The following PCDH17 variants were observed in gnomAD, a reference collection of about 807,000 sequenced individuals.
PCDH17 encodes protocadherin 17.
Under a neutral mutation model 67.7 loss-of-function variants are expected in PCDH17, and 21 were observed. The ratio of observed to expected loss-of-function variants is 0.31; its 90% CI spans 0.22 to 0.45. PCDH17 has a LOEUF of 0.45. PCDH17 is among the 20% of genes least tolerant of loss of function. The probability of loss-of-function intolerance (pLI) is 1.00; values close to 1 mark genes in which losing one functional copy is unlikely to be tolerated. For synonymous variants in PCDH17, 701 were observed against 656.7 expected (o/e 1.07, Z -1.03); for missense variants, 1,471 against 1,564.8 (o/e 0.94, Z 1.01).
rs116927507 is a variant in PCDH17 at position 57,704,397 on chromosome 13, G to A, written c.2798-20215G>A. Among the ~76,000 whole-genome samples, 1,008 of 151,918 alleles carry A rather than the reference G, an allele frequency of 6.6e-3. 9 individuals are homozygous for A. Among genetic ancestry groups the A allele is most frequent in the Non-Finnish European group, 0.011 (767 of 67,918 alleles). On this transcript the variant is annotated intron_variant, in intron 3 of 3. Transcript: ENST00000377918. ...GTAGAAAAGCAAAAGTCTATCAAGC[G>A]TTTTTCCCTTTGATTATAATTCTGA...
intron 3 of PCDH17, among the ~76,000 whole-genome samples, chr13:57,697,705 A>T (rs1955624278): frequency 6.6e-6 from 1 of 151,728 alleles, no homozygotes; most frequent in African/African-American, 2.4e-5. Flanking sequence ...ACTATAGATT[A>T]CAAATAATGA....
chr13:57,724,330 T>C (rs1328666831), intron 3 of PCDH17, among the ~76,000 whole-genome samples: 1 of 152,134 alleles, frequency 6.6e-6, no homozygotes, highest in East Asian at 1.9e-4. Flanking sequence ...TAGTTTATGG[T>C]GATGCTCTAT....
chr13:57,694,949 A>G (rs544432451), intron 3 of PCDH17, among the ~76,000 whole-genome samples: 9 of 151,300 alleles, frequency 5.9e-5, no homozygotes. Context: ...GATGAGGAAT[A>G]GAAAGATATT....
chr13:57,677,501 A>T (rs931791474), intron 3 of PCDH17, among the ~76,000 whole-genome samples: 11 of 151,850 alleles, frequency 7.2e-5, no homozygotes, highest in Admixed American at 3.3e-4. Context: ...GAAGATATAT[A>T]TACAGTGTTT....
intron 1 of PCDH17, among the ~76,000 whole-genome samples, chr13:57,655,056 G>T (rs1722074401): frequency 6.6e-6 from 1 of 151,876 alleles, no homozygotes; most frequent in African/African-American, 2.4e-5. Flanking sequence ...CTACTGGACT[G>T]ACTTGTTGTT....
intron 1 of PCDH17, among the ~76,000 whole-genome samples, chr13:57,646,973 A>G (rs1954973492): frequency 2.0e-5 from 3 of 151,864 alleles, no homozygotes; most frequent in South Asian, 2.1e-4. Flanking sequence ...TGTGCCAGGA[A>G]CAAGTTTTCT....
At chr13:57,712,005 A>T (rs1955781435) in intron 3 of PCDH17, among the ~76,000 whole-genome samples, 2 of 151,592 alleles carry the variant, frequency 1.3e-5, no homozygotes, top group African/African-American at 4.8e-5. Flanking sequence ...ATAAGAAAAA[A>T]GCCTAGATAG....
intron 1 of PCDH17, among the ~76,000 whole-genome samples, chr13:57,644,961 C>T (rs965827829): frequency 3.3e-5 from 5 of 151,548 alleles, no homozygotes; most frequent in Non-Finnish European, 7.4e-5. Flanking sequence ...ATATCTAATC[C>T]AGTAGTAGCC....
rs1433369673 is a variant in PCDH17 at position 57,679,097 on chromosome 13, C to A, written c.2797+12264C>A. ...ATAAGTAACCTATGTCAGTTCAAGT[C>A]AGTTTTATTCACCAAAAAAGTAACA... On this transcript the variant is annotated intron_variant, in intron 3 of 3. Coordinates refer to ENST00000377918, the MANE Select transcript of PCDH17 (RefSeq NM_001040429.3). Among the ~76,000 whole-genome samples the A allele has an allele frequency of 2.0e-5, 3 of 151,422 alleles. No homozygotes were observed. The East Asian group carries it at 5.9e-4, about 30-fold the overall frequency.
At chr13:57,664,618 TAG>T (rs1475755807) in intron 1 of PCDH17, among the ~76,000 whole-genome samples, 1 of 152,182 alleles carries the variant, frequency 6.6e-6, no homozygotes, top group Non-Finnish European at 1.5e-5. Flanking sequence ...ATTTTTTAAC[TAG>T]AGTTTCTGAT....
chr13:57,697,532 A>T (rs536571844), intron 3 of PCDH17, among the ~76,000 whole-genome samples: 4 of 151,654 alleles, frequency 2.6e-5, no homozygotes, highest in Non-Finnish European at 3.0e-5. Context: ...CTGTGTTACC[A>T]TTGTTATCTG....
In PCDH17 at chr13:57,632,419, G is replaced by C. The variant is rs1362641913; in HGVS notation, c.-128G>C. ...GGGTGCCGCAGCTCGGGTGCAGAGG[G>C]AAAAAAGGACCCATAGACTTGTGGC... On this transcript the variant is annotated 5_prime_UTR_variant, in exon 1 of 4. Coordinates refer to ENST00000377918, the MANE Select transcript of PCDH17 (RefSeq NM_001040429.3). 1.1e-6 allele frequency: 1 copy of C among 933,088 alleles called. No individual in the cohort carries two copies. Among genetic ancestry groups the C allele is most frequent in the Non-Finnish European group, 1.6e-6 (1 of 622,302 alleles). The allele number at this position is 933,088 out of a possible 1,614,324, so 57.8% of individuals were successfully genotyped here.
Position 57,666,487 on chromosome 13 carries a change from A to T in PCDH17, c.2585A>T (p.Glu862Val). 1 of 1,613,828 alleles carries T rather than the reference A, an allele frequency of 6.2e-7. No individual in the cohort carries two copies. Among genetic ancestry groups the T allele is most frequent in the East Asian group, 2.2e-5 (1 of 44,872 alleles). The part of the protein sequence containing the change: ...SIIQTDNFPA[E>V]PNYMGSRQQF... ...TCACAGACAGACAATTTTCCCGCAG[A>T]GCCCAATTACATGGGCAGCAGGCAG... is the stretch of plus-strand genomic sequence containing the variant. Residue 862 changes from glutamate to valine, a missense_variant, in exon 2 of 4, where the codon GAG (glutamate) becomes GTG (valine). Glu to Val is a moderately radical substitution (Grantham distance 121). Coordinates refer to ENST00000377918, the MANE Select transcript of PCDH17 (RefSeq NM_001040429.3).
At chr13:57,663,832 C>T (rs1306120937) in intron 1 of PCDH17, among the ~76,000 whole-genome samples, 1 of 152,100 alleles carries the variant, frequency 6.6e-6, no homozygotes, top group Non-Finnish European at 1.5e-5. Context: ...GCTTCCTCCT[C>T]GTTCCTGTAT....
chr13:57,652,074 C>G (rs1022106336), intron 1 of PCDH17, among the ~76,000 whole-genome samples: 4 of 151,380 alleles, frequency 2.6e-5, no homozygotes, highest in African/African-American at 9.7e-5. Context: ...GTCAGGAGAT[C>G]GAGACCATCC....
chr13:57,668,070 A>G (rs1052210883), intron 3 of PCDH17, among the ~76,000 whole-genome samples: 1 of 151,790 alleles, frequency 6.6e-6, no homozygotes, highest in African/African-American at 2.4e-5. Context: ...TTTCTGTGTT[A>G]ATAGTGCAAT....
chr13:57,707,179 A>G (rs541882581), intron 3 of PCDH17, among the ~76,000 whole-genome samples: 69 of 152,160 alleles, frequency 4.5e-4, no homozygotes, highest in African/African-American at 1.5e-3. Flanking sequence ...TTAGTAGTAG[A>G]TCACAATTTG....
chr13:57,698,634 A>G (rs903184894), intron 3 of PCDH17, among the ~76,000 whole-genome samples: 3 of 151,824 alleles, frequency 2.0e-5, no homozygotes, highest in Non-Finnish European at 4.4e-5. Flanking sequence ...TATTCCGCAG[A>G]AATCATTGAG....
At chr13:57,713,118 C>T (rs1373421008) in intron 3 of PCDH17, among the ~76,000 whole-genome samples, 1 of 151,612 alleles carries the variant, frequency 6.6e-6, no homozygotes, top group Non-Finnish European at 1.5e-5. Flanking sequence ...ATCTAAAGAG[C>T]CACATCTCCT....
Sources: gnomAD v4.1 joint callset for allele counts (sites outside exome capture counted in the v4.1 genomes callset) on GRCh38, gnomAD v4.1.1 for gene constraint, MANE v1.5 for transcripts, NCBI Gene and HGNC (gene_info 2026-07-23, HGNC 2026-07-21) for gene names.